TRPC4AP: variants seen among roughly 807,000 people sequenced by gnomAD.
TRPC4AP encodes the protein short transient receptor potential channel 4-associated protein.
A neutral mutation model predicts 99.0 loss-of-function variants in TRPC4AP; 45 were observed. The ratio of observed to expected loss-of-function variants is 0.45; its 90% CI spans 0.36 to 0.58. The LOEUF is 0.58. Ranked by LOEUF, TRPC4AP falls within the 20% of genes least tolerant of loss-of-function variation. TRPC4AP has a pLI of 0.00. For missense variants in TRPC4AP, 879 were observed against 985.3 expected, an observed-to-expected ratio of 0.89 and a Z score of 1.44; for synonymous variants, 408 against 385.8, an observed-to-expected ratio of 1.06 and a Z score of -0.67.
chr20:35,022,857 TA>T (rs1184446621), intron 8 of TRPC4AP, among the ~76,000 whole-genome samples: 1 of 151,876 alleles, frequency 6.6e-6, no homozygotes, highest in African/African-American at 2.4e-5. Context: ...CTCATTGCTA[TA>T]AAAAAATTTA....
intron 3 of TRPC4AP, among the ~76,000 whole-genome samples, chr20:35,058,958 G>A (rs1288797810): frequency 1.3e-5 from 2 of 151,818 alleles, no homozygotes; most frequent in Non-Finnish European, 2.9e-5. Flanking sequence ...CAAAGTGCTG[G>A]GATTACAGGC....
At chr20:35,025,160 A>G (rs2147308165) in intron 8 of TRPC4AP, among the ~76,000 whole-genome samples, 1 of 152,240 alleles carries the variant, frequency 6.6e-6, no homozygotes, top group African/African-American at 2.4e-5. Flanking sequence ...TTTTGATGAT[A>G]ACCATTCTAG....
chr20:35,085,022 CGAA>C (rs2084798859), intron 1 of TRPC4AP, among the ~76,000 whole-genome samples: 1 of 151,974 alleles, frequency 6.6e-6, no homozygotes, highest in African/African-American at 2.4e-5. Context: ...CTTTCAAGAG[CGAA>C]GAAAATAGAT....
intron 8 of TRPC4AP, among the ~76,000 whole-genome samples, chr20:35,034,890 T>C (rs893306985): frequency 1.3e-5 from 2 of 152,146 alleles, no homozygotes; most frequent in African/African-American, 4.8e-5. Flanking sequence ...CACAGCTGTC[T>C]CAGGTCTGCA....
intron 5 of TRPC4AP, among the ~76,000 whole-genome samples, chr20:35,053,747 T>G (rs1381686523): frequency 6.6e-6 from 1 of 152,180 alleles, no homozygotes; most frequent in Non-Finnish European, 1.5e-5. Context: ...ATTATACTGA[T>G]TACATGTTAG....
intron 1 of TRPC4AP, among the ~76,000 whole-genome samples, chr20:35,085,532 G>C (rs1030171802): frequency 3.3e-5 from 5 of 151,070 alleles, no homozygotes; most frequent in African/African-American, 1.2e-4. Context: ...AGGATTGCTT[G>C]AGCCCAGGAG....
chr20:35,005,377 C>T (rs2082495372), intron 16 of TRPC4AP, among the ~76,000 whole-genome samples: 1 of 152,240 alleles, frequency 6.6e-6, no homozygotes, highest in South Asian at 2.1e-4. Context: ...TGCTGCACCA[C>T]AGGGCACCTG....
At chr20:35,067,274 C>T (rs1452642251) in intron 3 of TRPC4AP, among the ~76,000 whole-genome samples, 5 of 152,126 alleles carry the variant, frequency 3.3e-5, no homozygotes, top group African/African-American at 9.7e-5. Context: ...TGTTTGAGTC[C>T]GGGAGTTTGA....
rs959524130 is a variant in TRPC4AP at position 35,061,913 on chromosome 20, C to T, written c.415-4342G>A. On this transcript the variant is annotated intron_variant, in intron 3 of 18. Transcript: ENST00000252015. ...CATCAAGAGAGTGAAAAGACAGCTA[C>T]TTAATGGGGGAAAATATTTGCAAAT... is the stretch of plus-strand genomic sequence containing the variant. 1.5e-4 allele frequency among the ~76,000 whole-genome samples: 23 copies of T among 152,130 alleles called. 1 individual carries two copies. Among genetic ancestry groups the T allele is most frequent in the Admixed American group, 1.4e-3 (21 of 15,276 alleles).
chr20:35,036,977 A>C (rs939069275), intron 7 of TRPC4AP, among the ~76,000 whole-genome samples: 8 of 151,826 alleles, frequency 5.3e-5, no homozygotes, highest in Non-Finnish European at 1.5e-5. Flanking sequence ...ACACACACAC[A>C]CACCCCTCCC....
rs753925256 is a variant in TRPC4AP, at chr20:35,021,190, C to T, written c.1218G>A (p.Gln406=). The change falls in exon 9 of 19, where the codon CAG becomes CAA. Residue 406 remains glutamine, a splice_region_variant and synonymous_variant. Coordinates refer to ENST00000252015, the MANE Select transcript of TRPC4AP (RefSeq NM_015638.3). ...CCTGAGACGCTGGAGAGGGGCCCAC[C>T]TGGTTTCGCTGACGCCCCATCAGCA... The part of the protein sequence containing the change: ...CVLLMGRQRN[Q]VHRMIAEFKL... The T allele has an allele frequency of 1.2e-6, 2 of 1,610,408 alleles. No homozygotes were observed.
intron 9 of TRPC4AP, among the ~76,000 whole-genome samples, chr20:35,018,604 GAAAAAAAAAAAAAAA>G (rs11479211): frequency 1.1e-5 from 1 of 88,950 alleles, no homozygotes; most frequent in Non-Finnish European, 2.1e-5. Flanking sequence ...CTCAAAAAAA[GAAAAAAAAAAAAAAA>G]AAAAAAAGAA....
intron 1 of TRPC4AP, among the ~76,000 whole-genome samples, chr20:35,079,072 T>C (rs2084557116): frequency 6.6e-6 from 1 of 151,618 alleles, no homozygotes; most frequent in Non-Finnish European, 1.5e-5. Flanking sequence ...TCTCAAAAAA[T>C]AGAAAAGGGG....
intron 1 of TRPC4AP, among the ~76,000 whole-genome samples, chr20:35,088,059 T>C (rs1274396428): frequency 6.6e-6 from 1 of 152,212 alleles, no homozygotes; most frequent in African/African-American, 2.4e-5. Context: ...GAAACACGAA[T>C]GGAAACAGAA....
chr20:35,090,377 C>CTTTTTTTTTTTTTTTTTT (rs71196792), intron 1 of TRPC4AP, among the ~76,000 whole-genome samples: 3 of 88,992 alleles, frequency 3.4e-5, no homozygotes, highest in African/African-American at 1.4e-4. Context: ...ATCTGGTGAG[C>CTTTTTTTTTTTTTTTTTT]TTTTTTTTTT....
intron 3 of TRPC4AP, among the ~76,000 whole-genome samples, chr20:35,068,079 A>G (rs1305694934): frequency 6.6e-6 from 1 of 152,230 alleles, no homozygotes; most frequent in Non-Finnish European, 1.5e-5. Context: ...ATAACTGCTT[A>G]GTAAATACTT....
chr20:35,017,315 T>A (rs1600518384), intron 9 of TRPC4AP, among the ~76,000 whole-genome samples: 1 of 152,204 alleles, frequency 6.6e-6, no homozygotes, highest in African/African-American at 2.4e-5. Flanking sequence ...AGCATAAAAA[T>A]GTCTCTAGAA....
chr20:35,008,500 C>T (rs1156333862), intron 13 of TRPC4AP, among the ~76,000 whole-genome samples, 164 bp downstream of exon 13: 4 of 152,156 alleles, frequency 2.6e-5, no homozygotes, highest in Non-Finnish European at 4.4e-5. Flanking sequence ...ACATACCTGT[C>T]GAGTCAAAAC....
chr20:35,035,515 G>A (rs893424453), intron 7 of TRPC4AP, among the ~76,000 whole-genome samples: 4 of 152,124 alleles, frequency 2.6e-5, no homozygotes, highest in African/African-American at 9.7e-5. Context: ...AGGGAAACAG[G>A]CTTTTTATCT....
Sources: allele counts gnomAD v4.1 joint callset (sites outside exome capture counted in the v4.1 genomes callset), GRCh38; gene constraint gnomAD v4.1.1; transcripts MANE v1.5; gene names NCBI Gene and HGNC (gene_info 2026-07-23, HGNC 2026-07-21).